The following PYY variants were observed in gnomAD, a reference collection of about 807,000 sequenced individuals.
PYY encodes the protein peptide tyrosine tyrosine.
PYY carries 12 observed loss-of-function variants against 10.3 expected under a neutral mutation model. The observed-to-expected ratio is 1.17, with a 90% CI of 0.75 to 1.89. The LOEUF (loss-of-function observed/expected upper bound fraction) is 1.89, where lower values mean the gene tolerates loss of function less well. Ranked by LOEUF, PYY falls within the 40% of genes most tolerant of loss-of-function variation. The pLI, the probability that PYY is intolerant of heterozygous loss-of-function variation, is 0.00. For synonymous variants in PYY, 66 were observed against 62.0 expected (o/e 1.06, Z -0.30); for missense variants, 141 against 134.0 (o/e 1.05, Z -0.26).
chr17:43,996,629 T>TA (rs1220243302), intron 1 of PYY, among the ~76,000 whole-genome samples: 1 of 151,880 alleles, frequency 6.6e-6, no homozygotes, highest in African/African-American at 2.4e-5. Flanking sequence ...CAGACCTGGC[T>TA]AATTTCTTGT....
At chr17:43,976,184 CGTATATGTAT>C (rs2048837104) in intron 1 of PYY, among the ~76,000 whole-genome samples, 1 of 83,274 alleles carries the variant, frequency 1.2e-5, no homozygotes, top group Admixed American at 1.3e-4. Context: ...TGTATATATA[CGTATATGTAT>C]ACATATATAC....
chr17:43,972,767 G>A (rs1006951047), intron 1 of PYY, among the ~76,000 whole-genome samples: 2 of 150,932 alleles, frequency 1.3e-5, no homozygotes, highest in African/African-American at 2.4e-5. Flanking sequence ...GCTAGGCTGG[G>A]GTGCAGTGGC....
chr17:43,976,723 G>C (rs933573371), intron 1 of PYY, among the ~76,000 whole-genome samples: 2 of 152,166 alleles, frequency 1.3e-5, no homozygotes, highest in African/African-American at 4.8e-5. Context: ...AGTGAGCCAA[G>C]ATCACGCCAC....
chr17:43,958,386 A>AT (rs756156118), upstream of PYY, among the ~76,000 whole-genome samples: 193 of 142,100 alleles, frequency 1.4e-3, no homozygotes, highest in Middle Eastern at 3.6e-3. Flanking sequence ...CCTAAAAGGC[A>AT]TTTTTTTTTT....
intron 1 of PYY, among the ~76,000 whole-genome samples, chr17:43,974,130 T>C (rs973419086): frequency 1.3e-5 from 2 of 152,240 alleles, no homozygotes; most frequent in South Asian, 2.1e-4. Flanking sequence ...CTTATTATTA[T>C]ATCATTTGCT....
intron 1 of PYY, among the ~76,000 whole-genome samples, chr17:43,995,057 G>C (rs1040083366): frequency 2.0e-5 from 3 of 152,186 alleles, no homozygotes; most frequent in Admixed American, 6.5e-5. Context: ...ACTTTGCATC[G>C]CGTGGCCGGG....
intron 1 of PYY, among the ~76,000 whole-genome samples, chr17:43,990,793 TG>T (rs1245128196): frequency 5.7e-4 from 85 of 150,436 alleles, no homozygotes; most frequent in African/African-American, 1.3e-3. Flanking sequence ...GATTTAATGT[TG>T]TTTTTTTTTT....
At chr17:43,976,210 C>CACATAT (rs2048838482) in intron 1 of PYY, among the ~76,000 whole-genome samples, 6 of 137,764 alleles carry the variant, frequency 4.4e-5, no homozygotes, top group Admixed American at 3.6e-4. Flanking sequence ...TATACATATA[C>CACATAT]GTATATGTAT....
At chr17:43,965,651 G>T (rs892214379) in intron 2 of PYY, among the ~76,000 whole-genome samples, 106 of 151,290 alleles carry the variant, frequency 7.0e-4, no homozygotes, top group African/African-American at 2.3e-3. Context: ...TGCCAGGCAT[G>T]GTGGTGTGTG....
intron 1 of PYY, among the ~76,000 whole-genome samples, chr17:43,997,019 A>G (rs1684659): frequency 2.6e-5 from 4 of 151,826 alleles, no homozygotes; most frequent in Non-Finnish European, 5.9e-5. Flanking sequence ...TTTTGGGGTG[A>G]TGTTGTTGTT....
intron 1 of PYY, among the ~76,000 whole-genome samples, chr17:43,998,245 AT>A (rs34211722): frequency 0.92 from 135,393 of 147,374 alleles, 62,172 homozygotes; most frequent in East Asian, 0.99. Flanking sequence ...GAACCCACAG[AT>A]TTTTTTTTTT....
intron 1 of PYY, among the ~76,000 whole-genome samples, chr17:43,991,317 C>G (rs2048955579): frequency 6.6e-6 from 1 of 151,896 alleles, no homozygotes; most frequent in South Asian, 2.1e-4. Flanking sequence ...TGTAATCCCA[C>G]CTATTTGGGA....
chr17:43,959,636 C>A (rs760782795), intron 2 of PYY, among the ~76,000 whole-genome samples: 1 of 152,296 alleles, frequency 6.6e-6, no homozygotes, highest in Admixed American at 6.5e-5. Flanking sequence ...GAGCCAAGAT[C>A]GCTCCACAGC....
chr17:43,989,040 G>C (rs1308452872), intron 1 of PYY, among the ~76,000 whole-genome samples: 1 of 147,356 alleles, frequency 6.8e-6, no homozygotes, highest in African/African-American at 2.5e-5. Flanking sequence ...GAGATTACAA[G>C]TGTGAGCCAC....
intron 2 of PYY, among the ~76,000 whole-genome samples, chr17:43,964,808 G>GA (rs942674084): frequency 1.4e-4 from 21 of 149,272 alleles, no homozygotes; most frequent in East Asian, 7.8e-4. Flanking sequence ...CGTCTCAAAA[G>GA]AAAAAAAAAA....
chr17:43,983,694 G>A (rs1288974211), intron 1 of PYY, among the ~76,000 whole-genome samples: 1 of 152,214 alleles, frequency 6.6e-6, no homozygotes, highest in Non-Finnish European at 1.5e-5. Context: ...CCCGGGGCCG[G>A]GTCTTAGGCG....
Position 43,965,380 on chromosome 17 carries a change from C to T in PYY, c.-218+908G>A, listed in dbSNP as rs189673962. Among the ~76,000 whole-genome samples the T allele has an allele frequency of 5.7e-4, 86 of 150,866 alleles. No homozygotes were observed. In the East Asian group the frequency reaches 0.015, roughly 27 times the overall value. ...CCTATAATCCCAGCTACTCAGGAGGCGGAGACAGCAGAATCATTTGAACCC... is the reference window on the plus strand; with the variant it reads ...CCTATAATCCCAGCTACTCAGGAGGTGGAGACAGCAGAATCATTTGAACCC... On this transcript the variant is annotated intron_variant, in intron 2 of 6. Transcript: ENST00000360085.
chr17:43,998,270 C>G (rs113193351), intron 1 of PYY, among the ~76,000 whole-genome samples: 6,117 of 149,208 alleles, frequency 0.041, 164 homozygotes, highest in Middle Eastern at 0.073. Flanking sequence ...TAAGAAACAG[C>G]TTTTCAGCCA....
chr17:43,975,812 G>GTA (rs564033949), intron 1 of PYY, among the ~76,000 whole-genome samples: 2 of 125,362 alleles, frequency 1.6e-5, no homozygotes, highest in Non-Finnish European at 3.5e-5. Context: ...CTACGTACGT[G>GTA]TACATACACG....
Sources: allele counts gnomAD v4.1 joint callset (sites outside exome capture counted in the v4.1 genomes callset), GRCh38; gene constraint gnomAD v4.1.1; transcripts MANE v1.5; gene names NCBI Gene and HGNC (gene_info 2026-07-23, HGNC 2026-07-21).